DNM3: variants seen among roughly 807,000 people sequenced by gnomAD.
DNM3 encodes the protein dynamin 3.
A neutral mutation model predicts 101.6 loss-of-function variants in DNM3; 47 were observed. The observed-to-expected ratio is 0.46, with a 90% CI of 0.37 to 0.59. DNM3 has a LOEUF of 0.59. Ranked by LOEUF, DNM3 falls within the 20% of genes least tolerant of loss-of-function variation. The probability of loss-of-function intolerance (pLI) is 0.00; values close to 1 mark genes in which losing one functional copy is unlikely to be tolerated. For synonymous variants in DNM3, 385 were observed against 387.9 expected (o/e 0.99, Z 0.09); for missense variants, 849 against 1,085.7 (o/e 0.78, Z 3.06).
intron 13 of DNM3, among the ~76,000 whole-genome samples, chr1:172,111,648 A>G (rs1214843626): frequency 2.6e-5 from 4 of 152,226 alleles, no homozygotes; most frequent in Admixed American, 6.5e-5. Context: ...CTGTAATCTT[A>G]TTGGGAAAAT....
At chr1:172,210,675 A>AT (rs952904751) in intron 14 of DNM3, among the ~76,000 whole-genome samples, 2 of 152,212 alleles carry the variant, frequency 1.3e-5, no homozygotes, top group Admixed American at 1.3e-4. Context: ...CTTTTCTTTC[A>AT]TTTTTTTATT....
intron 4 of DNM3, among the ~76,000 whole-genome samples, chr1:171,996,027 A>T (rs982686209): frequency 6.6e-6 from 1 of 152,192 alleles, no homozygotes; most frequent in Non-Finnish European, 1.5e-5. Context: ...AATTATTTGC[A>T]TAATAATATT....
chr1:172,068,950 C>G, intron 11 of DNM3, 45 bp downstream of exon 11: 1 of 1,524,238 alleles, frequency 6.6e-7, no homozygotes, highest in Non-Finnish European at 8.9e-7. Flanking sequence ...TGTGGGAGGT[C>G]GAAGGTCTCT....
chr1:172,409,548 C>G lies in DNM3; in HGVS notation c.*1707C>G. The G allele has an allele frequency of 1.0e-6, 1 of 984,436 alleles. No individual in the cohort carries two copies. The highest frequency in any genetic ancestry group is 1.7e-5 in the African/African-American group (1 of 57,318). 61.0% of individuals were successfully genotyped at this position (984,436 alleles called of 1,614,324 possible). A position where few individuals can be genotyped will look rare whatever the true frequency, so the allele number is the denominator to read the frequency against. On this transcript the variant is annotated 3_prime_UTR_variant, in exon 21 of 21. Transcript: ENST00000627582. The stretch of plus-strand genomic sequence containing the variant: ...GTTACCAGTGATTGTATAAAAACAT[C>G]ACAATCCTAAATCCTCTCGTATCTC...
intron 1 of DNM3, among the ~76,000 whole-genome samples, chr1:171,898,242 A>G (rs1002941893): frequency 6.6e-6 from 1 of 152,126 alleles, no homozygotes; most frequent in Non-Finnish European, 1.5e-5. Flanking sequence ...TTAATAAGAA[A>G]TTTGTTTAAA....
chr1:172,285,495 G>A (rs1316037965), intron 15 of DNM3, among the ~76,000 whole-genome samples: 1 of 152,138 alleles, frequency 6.6e-6, no homozygotes, highest in Admixed American at 6.5e-5. Flanking sequence ...TTGGGCCCAA[G>A]CACATCTTAG....
At chr1:171,852,950 A>G (rs1484150119) in intron 1 of DNM3, among the ~76,000 whole-genome samples, 1 of 152,150 alleles carries the variant, frequency 6.6e-6, no homozygotes, top group East Asian at 1.9e-4. Context: ...GTCAGAGAGA[A>G]ACCTGGCTTT....
At chr1:172,217,287 G>A (rs2060736384) in intron 14 of DNM3, among the ~76,000 whole-genome samples, 1 of 152,074 alleles carries the variant, frequency 6.6e-6, no homozygotes. Flanking sequence ...GCTGGTCCCT[G>A]TCCCTTTGAG....
intron 14 of DNM3, among the ~76,000 whole-genome samples, chr1:172,200,320 C>T (rs1016344702): frequency 6.6e-6 from 1 of 152,080 alleles, no homozygotes; most frequent in Admixed American, 6.6e-5. Flanking sequence ...TGCCCTGTCT[C>T]TCTAGTTGCC....
At chr1:172,296,195 A>T (rs911273329) in intron 15 of DNM3, among the ~76,000 whole-genome samples, 9 of 152,214 alleles carry the variant, frequency 5.9e-5, no homozygotes, top group Middle Eastern at 3.2e-3. Context: ...TAATCAAATC[A>T]AGTCATCCAA....
intron 2 of DNM3, among the ~76,000 whole-genome samples, chr1:171,933,142 C>A (rs1425748360): frequency 2.6e-5 from 4 of 152,144 alleles, no homozygotes; most frequent in Non-Finnish European, 5.9e-5. Context: ...TTACAGCACT[C>A]CACTCTGGCT....
intron 15 of DNM3, among the ~76,000 whole-genome samples, chr1:172,293,802 A>G (rs999830732): frequency 5.3e-5 from 8 of 152,194 alleles, no homozygotes; most frequent in Admixed American, 2.0e-4. Context: ...GAATTTGGCT[A>G]TCCTTTAAGA....
intron 12 of DNM3, among the ~76,000 whole-genome samples, chr1:172,084,678 A>C (rs2053406637): frequency 6.6e-6 from 1 of 152,198 alleles, no homozygotes. Flanking sequence ...ATCAAGGAAG[A>C]AAAGTCAAGC....
intron 4 of DNM3, among the ~76,000 whole-genome samples, chr1:171,999,601 A>G (rs2046236070): frequency 6.6e-6 from 1 of 152,104 alleles, no homozygotes; most frequent in African/African-American, 2.4e-5. Flanking sequence ...CACCCCTCCA[A>G]GAAAGATATA....
In DNM3 at chr1:172,189,942, T is replaced by G. The variant is rs555198993; in HGVS notation, c.1659+58654T>G. 1.1e-4 allele frequency among the ~76,000 whole-genome samples: 17 copies of G among 151,700 alleles called. 1 individual carries two copies. The highest frequency in any genetic ancestry group is 4.1e-4 in the African/African-American group (17 of 41,380). ...CAAAAGGATAGTGCTAACCCATTCA[T>G]GAGGGTTCCATCACCATAATCAAAT... On this transcript the variant is annotated intron_variant, in intron 14 of 20. Transcript: ENST00000627582.
rs141895895 is a variant in DNM3, at chr1:172,214,082, A to G, written c.1660-39491A>G. On this transcript the variant is annotated intron_variant, in intron 14 of 20. Coordinates refer to ENST00000627582, the MANE Select transcript of DNM3 (RefSeq NM_015569.5). ...AAATAAAAGCTATTATATGCTTCTT[A>G]CATCTTTAGACAATGGGAATTATTC... Among the ~76,000 whole-genome samples, 21 of 152,292 alleles carry G rather than the reference A, an allele frequency of 1.4e-4. No individual in the cohort carries two copies. The East Asian group carries it at 3.1e-3, about 22-fold the overall frequency.
intron 16 of DNM3, among the ~76,000 whole-genome samples, chr1:172,314,811 G>A (rs2065248413): frequency 6.6e-6 from 1 of 152,184 alleles, no homozygotes. Flanking sequence ...CTGGGGGCAG[G>A]GCACAGACAA....
chr1:171,902,981 C>T (rs891364929), intron 1 of DNM3, among the ~76,000 whole-genome samples: 10 of 151,918 alleles, frequency 6.6e-5, no homozygotes, highest in Non-Finnish European at 1.2e-4. Flanking sequence ...AGTGGGACCT[C>T]GTCTCTACAG....
At chr1:172,275,558 C>A (rs578000710) in intron 15 of DNM3, among the ~76,000 whole-genome samples, 35 of 152,152 alleles carry the variant, frequency 2.3e-4, no homozygotes, top group African/African-American at 8.2e-4. Flanking sequence ...TACCTGCTAA[C>A]TTCTGTTGCC....
Sources: allele counts gnomAD v4.1 joint callset (sites outside exome capture counted in the v4.1 genomes callset), GRCh38; gene constraint gnomAD v4.1.1; transcripts MANE v1.5; gene names NCBI Gene and HGNC (gene_info 2026-07-23, HGNC 2026-07-21).